The following PATL1 variants were observed in gnomAD, a reference collection of about 807,000 sequenced individuals.
PATL1 encodes the protein protein PAT1 homolog 1.
Under a neutral mutation model 100.6 loss-of-function variants are expected in PATL1, and 32 were observed. The observed-to-expected ratio is 0.32, with a 90% confidence interval of 0.24 to 0.43. The LOEUF (loss-of-function observed/expected upper bound fraction) is 0.43, where lower values mean the gene tolerates loss of function less well. Ranked by LOEUF, PATL1 falls within the 20% of genes least tolerant of loss-of-function variation. PATL1 has a pLI of 1.00. For synonymous variants in PATL1, 332 were observed against 330.0 expected (o/e 1.01, Z -0.07); for missense variants, 747 against 949.9 (o/e 0.79, Z 2.81).
chr11:59,639,378 G>C lies in PATL1; in HGVS notation c.2055C>G (p.Gly685=), dbSNP rs575200580. The change falls in exon 17 of 19, where the codon GGC becomes GGG. Residue 685 remains glycine (G), a synonymous_variant. Transcript: ENST00000300146. ...HLTAVLQNKF[G]LSLLLILLSR... ...TCAGGAGGATGAGGAGCAGTGACAGGCCAAACTACGAGAAAAGACAGAGGG... is the reference window on the plus strand; with the variant it reads ...TCAGGAGGATGAGGAGCAGTGACAGCCCAAACTACGAGAAAAGACAGAGGG... 2.3e-5 allele frequency: 35 copies of C among 1,549,692 alleles called. No individual in the cohort carries two copies. The highest frequency in any genetic ancestry group is 3.1e-5 in the Non-Finnish European group (35 of 1,146,788).
At chr11:59,659,020 C>G in intron 3 of PATL1, 74 bp from the exon 4 acceptor site, 1 of 1,336,942 alleles carries the variant, frequency 7.5e-7, no homozygotes, top group South Asian at 1.4e-5. Flanking sequence ...TGCTGGGGAA[C>G]AAGGTTCCAA....
intron 9 of PATL1, 61 bp from the exon 10 acceptor site, chr11:59,653,079 G>T: frequency 1.5e-6 from 2 of 1,365,298 alleles, no homozygotes; most frequent in South Asian, 3.1e-5. Flanking sequence ...TTTAACAACA[G>T]AGGAATAAAC....
chr11:59,659,479 G>C lies in PATL1; in HGVS notation c.128-10C>G, dbSNP rs950180089. On this transcript the variant is annotated splice_polypyrimidine_tract_variant and intron_variant, in intron 2 of 18. Coordinates refer to ENST00000300146, the MANE Select transcript of PATL1 (RefSeq NM_152716.3). ...TCCTGCCAATCATCATCTATAAGAT[G>C]ACACAGTTCATGTAAGAAATAGTTC... is the stretch of plus-strand genomic sequence containing the variant. 3 of 1,546,956 alleles carry C rather than the reference G, an allele frequency of 1.9e-6. No homozygotes were observed. Among genetic ancestry groups the C allele is most frequent in the Non-Finnish European group, 8.7e-7 (1 of 1,146,258 alleles).
intron 2 of PATL1, among the ~76,000 whole-genome samples, chr11:59,664,539 CAT>C (rs1463260278): frequency 1.3e-5 from 2 of 152,162 alleles, no homozygotes; most frequent in Non-Finnish European, 2.9e-5. Context: ...GAAACAAGCA[CAT>C]GTTGGTAGCT....
chr11:59,646,161 C>G (rs192509192), intron 15 of PATL1, among the ~76,000 whole-genome samples: 2 of 152,156 alleles, frequency 1.3e-5, no homozygotes. Context: ...GTGCCCATTA[C>G]ACTGCTTACA....
At position 59,660,376 on chromosome 11, in the gene PATL1, T is replaced by C. The variant is rs189343291; in HGVS notation, c.128-907A>G. On this transcript the variant is annotated intron_variant, in intron 2 of 18. Coordinates refer to ENST00000300146, the MANE Select transcript of PATL1 (RefSeq NM_152716.3). ...GAGAGATGATAGACAATAAGCATAA[T>C]GATTAGATACTATACCAGAAGATGA... is the stretch of plus-strand genomic sequence containing the variant. Among the ~76,000 whole-genome samples the C allele has an allele frequency of 1.5e-3, 221 of 152,230 alleles. 1 individual carries two copies. Among genetic ancestry groups the C allele is most frequent in the African/African-American group, 5.1e-3 (212 of 41,526 alleles).
chr11:59,652,817 A>C, intron 10 of PATL1, 21 bp downstream of exon 10: 1 of 1,608,822 alleles, frequency 6.2e-7, no homozygotes, highest in Non-Finnish European at 8.5e-7. Context: ...ATTATCCTCA[A>C]AACTAGCACA....
intron 5 of PATL1, chr11:59,657,204 G>GT: frequency 1.1e-6 from 1 of 889,706 alleles, no homozygotes; most frequent in Non-Finnish European, 1.3e-6. Context: ...GGACAATGCT[G>GT]TGTGTTCCCA....
chr11:59,652,826 C>G lies in PATL1; in HGVS notation c.1302+12G>C, dbSNP rs940316275. ...CAAACTATTATCCTCAAAACTAGCA[C>G]AGAGTATTTACCTGGTAATAAAAAT... On this transcript the variant is annotated intron_variant, in intron 10 of 18. Coordinates refer to ENST00000300146, the MANE Select transcript of PATL1 (RefSeq NM_152716.3). The G allele has an allele frequency of 8.7e-6, 14 of 1,610,540 alleles. No individual in the cohort carries two copies. In the African/African-American group the frequency reaches 1.9e-4, roughly 22 times the overall value.
intron 15 of PATL1, among the ~76,000 whole-genome samples, chr11:59,644,035 T>C (rs532013927): frequency 2.0e-5 from 3 of 152,328 alleles, no homozygotes; most frequent in Non-Finnish European, 4.4e-5. Context: ...GGTTTTACTT[T>C]AAATGGCAAC....
rs942083399 is a variant in PATL1, at chr11:59,642,928, A to G, written c.2001T>C (p.Ala667=). Reference sequence around the variant, plus strand: ...GGTGAGGATTGGAGAGTGCTGGTGTAGCTGCACTTTGAGGTAGGTTCATTA... The same window carrying G: ...GGTGAGGATTGGAGAGTGCTGGTGTGGCTGCACTTTGAGGTAGGTTCATTA... ...RQLMNLPQSA[A]TPALSNPHLT... The change falls in exon 16 of 19, where the codon GCT becomes GCC. Residue 667 remains alanine (A), a synonymous_variant. Transcript: ENST00000300146. 3.7e-6 allele frequency: 6 copies of G among 1,614,014 alleles called. No homozygotes were observed. In the Admixed American group the frequency reaches 1.0e-4, roughly 27 times the overall value.
In PATL1 at chr11:59,652,811, TCCTCAAAACTAGCACAGAGTATTTA is replaced by T. The variant is rs1169648831; in HGVS notation, c.1302+2_1302+26del. The T allele has an allele frequency of 6.2e-7, 1 of 1,604,554 alleles. No individual in the cohort carries two copies. The highest frequency in any genetic ancestry group is 2.2e-5 in the East Asian group (1 of 44,742). ...ACCAGTGTAGGGGACCAAACTATTA[TCCTCAAAACTAGCACAGAGTATTTA>T]CCTGGTAATAAAAATCATCCAGGTA... is the stretch of plus-strand genomic sequence containing the variant. On this transcript the variant is annotated splice_donor_variant and splice_donor_5th_base_variant and intron_variant, in intron 10 of 18. Transcript: ENST00000300146. LOFTEE classifies it high-confidence loss of function.
At chr11:59,646,507 G>A (rs1456017954) in intron 15 of PATL1, among the ~76,000 whole-genome samples, 1 of 151,926 alleles carries the variant, frequency 6.6e-6, no homozygotes, top group African/African-American at 2.4e-5. Context: ...ATATATACTT[G>A]TCCCAACCCA....
chr11:59,643,836 T>C (rs1348792066), intron 15 of PATL1, among the ~76,000 whole-genome samples: 2 of 152,248 alleles, frequency 1.3e-5, no homozygotes, highest in Non-Finnish European at 1.5e-5. Context: ...TGGAGTTACA[T>C]AGCCACAGCT....
At position 59,638,248 on chromosome 11, in the gene PATL1, C is replaced by A. The variant is rs1389934659; in HGVS notation, c.*142G>T. Reference sequence around the variant, plus strand: ...AAATATCTGACATTTAGAGAGACAACCCCTGTAAACAGGAATCGATCCCAC... The same window carrying A: ...AAATATCTGACATTTAGAGAGACAAACCCTGTAAACAGGAATCGATCCCAC... On this transcript the variant is annotated 3_prime_UTR_variant, in exon 19 of 19. Transcript: ENST00000300146. 7 of 797,474 alleles carry A rather than the reference C, an allele frequency of 8.8e-6. No individual in the cohort carries two copies. Among genetic ancestry groups the A allele is most frequent in the Non-Finnish European group, 1.5e-5 (7 of 480,396 alleles). The allele number at this position is 797,474 out of a possible 1,614,324, so 49.4% of individuals were successfully genotyped here. A position where few individuals can be genotyped will look rare whatever the true frequency, so the allele number is the denominator to read the frequency against.
In PATL1 at chr11:59,657,060, A is replaced by G. The variant is rs551607406; in HGVS notation, c.622-460T>C. On this transcript the variant is annotated intron_variant, in intron 5 of 18. Transcript: ENST00000300146. ...ATTTGAGCCTAACTAGGCCATACCA[A>G]CACCACCCTCCCCCCATACCTTCCA... The G allele has an allele frequency of 5.4e-5, 53 of 983,438 alleles. No individual in the cohort carries two copies. The African/African-American group carries it at 8.7e-4, about 16-fold the overall frequency. The allele number at this position is 983,438 out of a possible 1,614,324, so 60.9% of individuals were successfully genotyped here. A position where few individuals can be genotyped will look rare whatever the true frequency, so the allele number is the denominator to read the frequency against.
Position 59,654,017 on chromosome 11 carries a change from G to T in PATL1, c.1087C>A (p.Arg363=), listed in dbSNP as rs780485079. ...DTTHLHPQHR[R]LLHQRQQQNR... Reference sequence around the variant, plus strand: ...TGTTGCTGTCTCTGATGCAAGAGTCGACGGTGCTGTGGATGGAGGTGAGTT... The same window carrying T: ...TGTTGCTGTCTCTGATGCAAGAGTCTACGGTGCTGTGGATGGAGGTGAGTT... The change falls in exon 9 of 19, where the codon CGA becomes AGA. Residue 363 remains arginine (R), a synonymous_variant. Transcript: ENST00000300146. 7 of 1,613,744 alleles carry T rather than the reference G, an allele frequency of 4.3e-6. No homozygotes were observed. The South Asian group carries it at 7.7e-5, about 18-fold the overall frequency.
rs367933565 is a variant in PATL1 at position 59,657,640 on chromosome 11, G to A, written c.511C>T (p.Arg171Ter). ...GAAGTTGACCGCCTTGGTAATGCTCGTTCAGAAAGGTCCCGATCATCTTCT... is the reference window on the plus strand; with the variant it reads ...GAAGTTGACCGCCTTGGTAATGCTCATTCAGAAAGGTCCCGATCATCTTCT... The part of the protein sequence containing the change: ...GPEDDRDLSE[R>*]ALPRRSTSPI... Residue 171 changes from arginine to a stop codon, truncating the protein, a stop_gained, in exon 5 of 19, where the codon CGA (arginine) becomes TGA (stop). Coordinates refer to ENST00000300146, the MANE Select transcript of PATL1 (RefSeq NM_152716.3). LOFTEE classifies it high-confidence loss of function. The A allele has an allele frequency of 1.2e-6, 2 of 1,613,354 alleles. No individual in the cohort carries two copies. Among genetic ancestry groups the A allele is most frequent in the Non-Finnish European group, 1.7e-6 (2 of 1,179,746 alleles).
intron 2 of PATL1, among the ~76,000 whole-genome samples, chr11:59,663,632 T>C (rs1048038014): frequency 1.3e-5 from 2 of 152,198 alleles, no homozygotes; most frequent in East Asian, 1.9e-4. Context: ...ATAAGCACCA[T>C]GTTAAGTGTA....
Sources: gnomAD v4.1 joint callset for allele counts (sites outside exome capture counted in the v4.1 genomes callset) on GRCh38, gnomAD v4.1.1 for gene constraint, MANE v1.5 for transcripts, NCBI Gene and HGNC (gene_info 2026-07-23, HGNC 2026-07-21) for gene names.